PDE1A: variants seen among roughly 807,000 people sequenced by gnomAD.
The protein encoded by PDE1A is dual specificity calcium/calmodulin-dependent 3',5'-cyclic nucleotide phosphodiesterase 1A.
In PDE1A, 35 loss-of-function variants were observed where a neutral mutation model predicts 61.7. The observed-to-expected ratio is 0.57, with a 90% confidence interval of 0.43 to 0.75. The LOEUF is 0.75. PDE1A is among the 30% of genes least tolerant of loss of function. The pLI, the probability that PDE1A is intolerant of heterozygous loss-of-function variation, is 0.00. For missense variants in PDE1A, 597 were observed against 630.6 expected, an observed-to-expected ratio of 0.95 and a Z score of 0.57; for synonymous variants, 232 against 213.2, an observed-to-expected ratio of 1.09 and a Z score of -0.77.
At chr2:182,586,502 GA>G in the PDE1A span, among the ~76,000 whole-genome samples, 1 of 152,094 alleles carries the variant, frequency 6.6e-6, no homozygotes, top group Admixed American at 6.6e-5. Flanking sequence ...ACTTTCCTCT[GA>G]GGACAACTTT....
intron 1 of PDE1A, among the ~76,000 whole-genome samples, chr2:182,304,980 C>T (rs1695484216): frequency 6.6e-6 from 1 of 152,108 alleles, no homozygotes; most frequent in South Asian, 2.1e-4. Flanking sequence ...TATAAAGACC[C>T]CAACTCCATT....
chr2:182,636,377 T>A, the PDE1A span, among the ~76,000 whole-genome samples: 5 of 152,156 alleles, frequency 3.3e-5, no homozygotes, highest in Non-Finnish European at 4.4e-5. Context: ...GTCTTTAACT[T>A]TTGGATAATT....
intron 1 of PDE1A, among the ~76,000 whole-genome samples, chr2:182,367,567 G>T (rs1699906033): frequency 6.6e-6 from 1 of 151,992 alleles, no homozygotes; most frequent in East Asian, 1.9e-4. Flanking sequence ...TACAACTTGG[G>T]TAGTTAATTT....
chr2:182,215,528 T>G (rs926576001), intron 7 of PDE1A, among the ~76,000 whole-genome samples: 4 of 149,428 alleles, frequency 2.7e-5, no homozygotes, highest in Admixed American at 6.7e-5. Context: ...GCAAGACTAA[T>G]AAAGAAAAAA....
intron 6 of PDE1A, among the ~76,000 whole-genome samples, chr2:182,229,671 T>G (rs780703230): frequency 6.6e-6 from 1 of 152,138 alleles, no homozygotes; most frequent in Non-Finnish European, 1.5e-5. Flanking sequence ...AAAAGAGTGC[T>G]ATAACTTTCT....
At chr2:182,645,284 T>C in the PDE1A span, among the ~76,000 whole-genome samples, 789 of 120,254 alleles carry the variant, frequency 6.6e-3, 8 homozygotes, top group African/African-American at 0.022. Context: ...CCGCCTCTTC[T>C]GTATTTTTGT....
chr2:182,268,559 T>C (rs1692794757), intron 1 of PDE1A, among the ~76,000 whole-genome samples: 1 of 152,012 alleles, frequency 6.6e-6, no homozygotes, highest in Non-Finnish European at 1.5e-5. Context: ...ATGCAAACAA[T>C]GTGGTCAAAT....
chr2:182,300,422 T>C (rs1695163933), intron 1 of PDE1A, among the ~76,000 whole-genome samples: 1 of 152,134 alleles, frequency 6.6e-6, no homozygotes, highest in African/African-American at 2.4e-5. Flanking sequence ...AGTTCAAAGC[T>C]CTGTACTAGA....
At chr2:182,275,974 A>G (rs1041518605) in intron 1 of PDE1A, among the ~76,000 whole-genome samples, 1 of 152,136 alleles carries the variant, frequency 6.6e-6, no homozygotes, top group Non-Finnish European at 1.5e-5. Flanking sequence ...TGGTACAATT[A>G]ATTTCAACAC....
chr2:182,624,148 A>C, the PDE1A span, among the ~76,000 whole-genome samples: 1 of 151,798 alleles, frequency 6.6e-6, no homozygotes, highest in Non-Finnish European at 1.5e-5. Context: ...AAAAAGAAGA[A>C]GACAGGTTTT....
chr2:182,591,588 C>A, the PDE1A span, among the ~76,000 whole-genome samples: 1 of 152,058 alleles, frequency 6.6e-6, no homozygotes, highest in Non-Finnish European at 1.5e-5. Context: ...TTCTTCATTG[C>A]GGGTGAGTGA....
chr2:182,177,442 C>T (rs975172732), intron 13 of PDE1A, among the ~76,000 whole-genome samples: 1 of 151,938 alleles, frequency 6.6e-6, no homozygotes, highest in African/African-American at 2.4e-5. Flanking sequence ...GGAATTTATC[C>T]ATTTCTTCTA....
chr2:182,546,267 C>T, the PDE1A span, among the ~76,000 whole-genome samples: 1 of 152,128 alleles, frequency 6.6e-6, no homozygotes, highest in African/African-American at 2.4e-5. Context: ...TGCTAGGATG[C>T]ACCAGGGTGT....
At chr2:182,241,523 A>G (rs1421213943) in intron 2 of PDE1A, among the ~76,000 whole-genome samples, 2 of 152,202 alleles carry the variant, frequency 1.3e-5, no homozygotes, top group Non-Finnish European at 2.9e-5. Context: ...GGTCTCCACA[A>G]AGAACTCAAT....
chr2:182,300,313 T>A (rs1408046244), intron 1 of PDE1A, among the ~76,000 whole-genome samples: 2 of 152,222 alleles, frequency 1.3e-5, no homozygotes, highest in East Asian at 3.8e-4. Context: ...ACGTTTTTCA[T>A]ACCTATGGCT....
chr2:182,211,344 A>T (rs1687579418), intron 7 of PDE1A, among the ~76,000 whole-genome samples: 1 of 152,190 alleles, frequency 6.6e-6, no homozygotes, highest in African/African-American at 2.4e-5. Flanking sequence ...TAGGTTCATT[A>T]CTGGGCTCTC....
intron 1 of PDE1A, among the ~76,000 whole-genome samples, chr2:182,356,818 T>A (rs1206815253): frequency 6.6e-6 from 1 of 152,178 alleles, no homozygotes; most frequent in East Asian, 1.9e-4. Context: ...TAAGAAAATG[T>A]AGCACATATA....
chr2:182,178,151 C>T (rs1574578246), intron 13 of PDE1A, among the ~76,000 whole-genome samples: 1 of 152,220 alleles, frequency 6.6e-6, no homozygotes, highest in South Asian at 2.1e-4. Context: ...GGGGTTGTTA[C>T]TAAGCTACCC....
chr2:182,350,891 T>C (rs928744103), intron 1 of PDE1A, among the ~76,000 whole-genome samples: 2 of 152,184 alleles, frequency 1.3e-5, no homozygotes, highest in African/African-American at 4.8e-5. Flanking sequence ...CATTACTCCC[T>C]GCCCTATAAT....
Sources: gnomAD v4.1 joint callset for allele counts (sites outside exome capture counted in the v4.1 genomes callset) on GRCh38, gnomAD v4.1.1 for gene constraint, MANE v1.5 for transcripts, NCBI Gene and HGNC (gene_info 2026-07-23, HGNC 2026-07-21) for gene names.